BTNL8: variants seen among roughly 807,000 people sequenced by gnomAD.
BTNL8 encodes the protein butyrophilin like 8, also known as butyrophilin-like protein 8.
BTNL8 carries 22 observed loss-of-function variants against 36.1 expected under a neutral mutation model. The observed-to-expected ratio is 0.61, with a 90% CI of 0.44 to 0.87. BTNL8 has a LOEUF of 0.87. Ranked by LOEUF, BTNL8 falls within the 40% of genes least tolerant of loss-of-function variation. BTNL8 has a pLI of 0.00. For synonymous variants in BTNL8, 203 were observed against 235.6 expected, an observed-to-expected ratio of 0.86 and a Z score of 1.27; for missense variants, 526 against 616.9, an observed-to-expected ratio of 0.85 and a Z score of 1.56.
At chr5:180,919,444 T>C (rs535822587) in intron 3 of BTNL8, among the ~76,000 whole-genome samples, 3 of 152,336 alleles carry the variant, frequency 2.0e-5, no homozygotes, top group African/African-American at 7.2e-5. Flanking sequence ...TATAAGCTCA[T>C]AGCTAACATT....
chr5:180,914,614 A>G (rs185872171), intron 3 of BTNL8, among the ~76,000 whole-genome samples: 2 of 152,374 alleles, frequency 1.3e-5, no homozygotes, highest in Non-Finnish European at 2.9e-5. Flanking sequence ...AATGATAATT[A>G]AAAGTGTCTT....
Position 180,911,612 on chromosome 5 carries a change from G to A in BTNL8, c.671G>A (p.Gly224Glu), listed in dbSNP as rs1218121302. 3.1e-6 allele frequency: 5 copies of A among 1,604,712 alleles called. No homozygotes were observed. Among genetic ancestry groups the A allele is most frequent in the Non-Finnish European group, 8.5e-7 (1 of 1,172,222 alleles). ...GAGGTGGAATCCAGGGTACAGATAG[G>A]AGGTGAGTAGGGAGGGGAGGAGAAG... ...SREVESRVQI[G>E]DTFFEPISWH... is the part of the protein sequence containing the mutation. Residue 224 changes from glycine to glutamate, a missense_variant and splice_region_variant, in exon 3 of 8, where the codon GGA (glycine) becomes GAA (glutamate). Physicochemically the swap from Gly to Glu is moderately conservative, Grantham distance 98 (BLOSUM62 -2). Transcript: ENST00000340184.
chr5:180,901,348 G>A (rs1180573731), intron 1 of BTNL8, among the ~76,000 whole-genome samples: 2 of 152,168 alleles, frequency 1.3e-5, no homozygotes, highest in East Asian at 3.9e-4. Flanking sequence ...AATGAATCAA[G>A]AGACACTGCC....
intron 3 of BTNL8, among the ~76,000 whole-genome samples, chr5:180,916,488 A>G (rs1464168315): frequency 1.3e-5 from 2 of 152,172 alleles, no homozygotes; most frequent in Admixed American, 1.3e-4. Flanking sequence ...TAGAGCAGAA[A>G]TAAATGAAAT....
At chr5:180,910,751 G>C (rs1757349559) in intron 2 of BTNL8, among the ~76,000 whole-genome samples, 1 of 152,072 alleles carries the variant, frequency 6.6e-6, no homozygotes, top group Non-Finnish European at 1.5e-5. Context: ...TCTCTACTCT[G>C]TCTTAGTATC....
At chr5:180,940,864 G>A (rs1561945073) in intron 3 of BTNL8, among the ~76,000 whole-genome samples, 1 of 151,990 alleles carries the variant, frequency 6.6e-6, no homozygotes, top group Non-Finnish European at 1.5e-5. Flanking sequence ...TCAGGAGCTC[G>A]AAACCAGCCT....
chr5:180,925,380 CAAAG>C (rs1561937704), intron 3 of BTNL8, among the ~76,000 whole-genome samples: 1 of 152,098 alleles, frequency 6.6e-6, no homozygotes, highest in African/African-American at 2.4e-5. Flanking sequence ...AAATCAGAGA[CAAAG>C]AAAGAATACT....
chr5:180,918,906 T>C (rs1177787271), intron 3 of BTNL8, among the ~76,000 whole-genome samples: 1 of 152,186 alleles, frequency 6.6e-6, no homozygotes, highest in Non-Finnish European at 1.5e-5. Flanking sequence ...TACATGTAGA[T>C]GAAGTCTCAT....
chr5:180,908,998 T>C (rs1757256582), intron 2 of BTNL8, 65 bp downstream of exon 2: 3 of 1,488,124 alleles, frequency 2.0e-6, no homozygotes, highest in Admixed American at 2.2e-5. Flanking sequence ...AAGTGTTTTT[T>C]TCAATAAGGA....
At chr5:180,938,948 G>A (rs1173602063) in intron 3 of BTNL8, among the ~76,000 whole-genome samples, 1 of 152,064 alleles carries the variant, frequency 6.6e-6, no homozygotes, top group Non-Finnish European at 1.5e-5. Flanking sequence ...AGTCTTACAA[G>A]AAATGCTCAA....
chr5:180,916,922 T>C (rs1757653865), intron 3 of BTNL8, among the ~76,000 whole-genome samples: 1 of 152,168 alleles, frequency 6.6e-6, no homozygotes, highest in Non-Finnish European at 1.5e-5. Context: ...GTAACTGAAA[T>C]CATGAAAAGT....
chr5:180,950,366 C>A lies in BTNL8; in HGVS notation c.1325C>A (p.Pro442His), dbSNP rs1759497877. The change falls in exon 8 of 8, where the codon CCC (proline) becomes CAC (histidine). Residue 442 changes from proline to histidine, a missense_variant. Physicochemically the swap from Pro to His is moderately conservative, Grantham distance 77. This residue lies in a region of BTNL8 where 176 missense variants were observed against 292.3 expected (regional missense o/e 0.60). Transcript: ENST00000340184. ...LTCRFEGLLR[P>H]YIEYPSYNEQ... ...TGTCGGTTTGAAGGCTTATTGAGGC[C>A]CTACATTGAGTATCCGTCCTATAAT... 5.5e-6 allele frequency: 8 copies of A among 1,462,958 alleles called. 3 individuals are homozygous for A. The highest frequency in any genetic ancestry group is 7.6e-6 in the Non-Finnish European group (8 of 1,058,894). The allele number at this position is 1,462,958 out of a possible 1,614,324, so 90.6% of individuals were successfully genotyped here.
chr5:180,950,379 T>C lies in BTNL8; in HGVS notation c.1338T>C (p.Tyr446=). 1 of 1,462,864 alleles carries C rather than the reference T, an allele frequency of 6.8e-7. No individual in the cohort carries two copies. The highest frequency in any genetic ancestry group is 1.1e-5 in the South Asian group (1 of 89,224). 90.6% of individuals were successfully genotyped at this position (1,462,864 alleles called of 1,614,324 possible). The change falls in exon 8 of 8, where the codon TAT becomes TAC. Residue 446 remains tyrosine, a synonymous_variant. Coordinates refer to ENST00000340184, the MANE Select transcript of BTNL8 (RefSeq NM_001040462.3). ...GCTTATTGAGGCCCTACATTGAGTA[T>C]CCGTCCTATAATGAGCAAAATGGAA... ...FEGLLRPYIE[Y]PSYNEQNGTP...
rs1040800626 is a variant in BTNL8, at chr5:180,935,583, C to A, written c.674-11929C>A. Among the ~76,000 whole-genome samples, 2 of 152,204 alleles carry A rather than the reference C, an allele frequency of 1.3e-5. No individual in the cohort carries two copies. The highest frequency in any genetic ancestry group is 2.9e-5 in the Non-Finnish European group (2 of 68,040). ...GGAAGCAGAAGCAGGCACTTCTGAG[C>A]CTGCAGGGGCAGAGAGGGTTTCCAG... is the stretch of plus-strand genomic sequence containing the variant. On this transcript the variant is annotated intron_variant, in intron 3 of 7. Coordinates refer to ENST00000340184, the MANE Select transcript of BTNL8 (RefSeq NM_001040462.3). The surrounding 1 kb of genome is among the most constrained non-coding windows in gnomAD (Gnocchi z 4.8).
intron 3 of BTNL8, 23 bp downstream of exon 3, chr5:180,911,637 G>T (rs755872032): frequency 5.8e-5 from 92 of 1,585,438 alleles, no homozygotes; most frequent in Admixed American, 1.2e-4. Flanking sequence ...GGGAGGAGAA[G>T]AGAAGGAGGG....
At chr5:180,919,913 T>C (rs1751710897) in intron 3 of BTNL8, among the ~76,000 whole-genome samples, 1 of 152,144 alleles carries the variant, frequency 6.6e-6, no homozygotes, top group Non-Finnish European at 1.5e-5. Flanking sequence ...AAATGTATCA[T>C]GTGTTCATAG....
At chr5:180,949,646 T>A (rs572367974) in intron 7 of BTNL8, 1 of 548,294 alleles carries the variant, frequency 1.8e-6, no homozygotes, top group African/African-American at 1.9e-5. Context: ...AATAGTTTTA[T>A]GTATGAAGGG....
rs548200916 is a variant in BTNL8, at chr5:180,941,052, C to A, written c.674-6460C>A. Among the ~76,000 whole-genome samples, 40 of 147,022 alleles carry A rather than the reference C, an allele frequency of 2.7e-4. 1 individual carries two copies. Among genetic ancestry groups the A allele is most frequent in the African/African-American group, 1.0e-3 (40 of 39,402 alleles). The stretch of plus-strand genomic sequence containing the variant: ...GCTGCAGTGAGCCGAGATTGAGATG[C>A]AGCCTGGGAAACACAGCAAGAAGAA... On this transcript the variant is annotated intron_variant, in intron 3 of 7. Transcript: ENST00000340184.
At position 180,911,471 on chromosome 5, in the gene BTNL8, C is replaced by A; in HGVS notation, c.530C>A (p.Thr177Lys). The stretch of plus-strand genomic sequence containing the variant: ...GGTCCACAAGGACAGGATTTGTCCA[C>A]AGACTCCAGGACAAACAGAGACATG... ...WKGPQGQDLS[T>K]DSRTNRDMHG... Residue 177 changes from threonine to lysine, a missense_variant, in exon 3 of 8, where the codon ACA becomes AAA. By Grantham distance (78) the Thr-to-Lys change is moderately conservative. Coordinates refer to ENST00000340184, the MANE Select transcript of BTNL8 (RefSeq NM_001040462.3). The A allele has an allele frequency of 6.2e-7, 1 of 1,614,180 alleles. No homozygotes were observed. Among genetic ancestry groups the A allele is most frequent in the Non-Finnish European group, 8.5e-7 (1 of 1,180,034 alleles).
Sources: allele counts gnomAD v4.1 joint callset (sites outside exome capture counted in the v4.1 genomes callset), GRCh38; gene constraint gnomAD v4.1.1; regional missense constraint gnomAD v4.1.1; non-coding constraint Gnocchi (gnomAD v3.1); transcripts MANE v1.5; gene names NCBI Gene and HGNC (gene_info 2026-07-23, HGNC 2026-07-21).